ATP8A2: variants seen among roughly 807,000 people sequenced by gnomAD.
ATP8A2 encodes the protein phospholipid-transporting ATPase IB.
In ATP8A2, 100 loss-of-function variants were observed where a neutral mutation model predicts 165.6. That is an observed-to-expected ratio of 0.60 (90% CI 0.51 to 0.71). The LOEUF (loss-of-function observed/expected upper bound fraction) is 0.71, where lower values mean the gene tolerates loss of function less well. Ranked by LOEUF, ATP8A2 falls within the 30% of genes least tolerant of loss-of-function variation. ATP8A2 has a pLI of 0.00. For synonymous variants in ATP8A2, 543 were observed against 548.8 expected, an observed-to-expected ratio of 0.99 and a Z score of 0.15; for missense variants, 1,227 against 1,479.5, an observed-to-expected ratio of 0.83 and a Z score of 2.80.
chr13:25,798,448 C>T (rs1056351738), intron 27 of ATP8A2, among the ~76,000 whole-genome samples: 2 of 152,136 alleles, frequency 1.3e-5, no homozygotes, highest in Non-Finnish European at 2.9e-5. Flanking sequence ...TGTGGTCATG[C>T]ACTTTGATGT....
chr13:26,009,920 G>C (rs181280684), intron 35 of ATP8A2, among the ~76,000 whole-genome samples: 102 of 152,200 alleles, frequency 6.7e-4, no homozygotes, highest in Non-Finnish European at 1.3e-3. Context: ...ACAAAAATTA[G>C]CCAGGCCTGG....
intron 20 of ATP8A2, among the ~76,000 whole-genome samples, chr13:25,578,200 C>A (rs1270890736): frequency 6.6e-6 from 1 of 152,266 alleles, no homozygotes; most frequent in East Asian, 1.9e-4. Flanking sequence ...GGATTTAATT[C>A]TCTCCAAAAC....
chr13:25,921,621 CA>C (rs11316144), intron 33 of ATP8A2, among the ~76,000 whole-genome samples: 92,814 of 117,650 alleles, frequency 0.79, 35,554 homozygotes, highest in East Asian at 0.97. Flanking sequence ...GACTCTGTCT[CA>C]AAAAAAAAAA....
chr13:25,944,970 T>C (rs1260009746), intron 33 of ATP8A2, among the ~76,000 whole-genome samples: 1 of 151,988 alleles, frequency 6.6e-6, no homozygotes, highest in Non-Finnish European at 1.5e-5. Context: ...GTTTTTGAAA[T>C]AATGTATATA....
chr13:25,808,767 T>C (rs2138500622), intron 27 of ATP8A2, among the ~76,000 whole-genome samples: 1 of 152,248 alleles, frequency 6.6e-6, no homozygotes, highest in African/African-American at 2.4e-5. Context: ...GAAATACCTA[T>C]TTAAAGTATA....
At chr13:25,754,762 G>A (rs1053199523) in intron 25 of ATP8A2, among the ~76,000 whole-genome samples, 2 of 152,112 alleles carry the variant, frequency 1.3e-5, no homozygotes, top group Admixed American at 1.3e-4. Flanking sequence ...TAGCAAAAGA[G>A]ATTATTATGA....
chr13:25,484,153 C>G (rs995051962), intron 2 of ATP8A2, among the ~76,000 whole-genome samples: 5 of 152,226 alleles, frequency 3.3e-5, no homozygotes, highest in African/African-American at 7.2e-5. Context: ...AATCAAGAAA[C>G]TGGCTTCTCC....
At chr13:25,406,659 G>T (rs1177200664) in intron 1 of ATP8A2, among the ~76,000 whole-genome samples, 7 of 152,194 alleles carry the variant, frequency 4.6e-5, no homozygotes, top group Non-Finnish European at 7.4e-5. Context: ...TCTCCAGGTG[G>T]CTGGCATGGA....
intron 25 of ATP8A2, among the ~76,000 whole-genome samples, chr13:25,708,944 C>T (rs1396429601): frequency 6.6e-6 from 1 of 152,182 alleles, no homozygotes; most frequent in Non-Finnish European, 1.5e-5. Flanking sequence ...CGCCTTATGA[C>T]CATTGTCATC....
At chr13:25,833,180 C>T (rs1951521668) in intron 28 of ATP8A2, among the ~76,000 whole-genome samples, 2 of 151,510 alleles carry the variant, frequency 1.3e-5, no homozygotes, top group African/African-American at 4.8e-5. Context: ...TTTACAGTAC[C>T]TACATTTTTA....
rs191663360 is a variant in ATP8A2 at position 25,531,120 on chromosome 13, T to A, written c.420+460T>A. On this transcript the variant is annotated intron_variant, in intron 4 of 36. Transcript: ENST00000381655. ...GTCTTTCTTGCTCTGTCTCCCCCTA[T>A]ATATTTGTGTGTGTGTGTATATATA... is the stretch of plus-strand genomic sequence containing the variant. Among the ~76,000 whole-genome samples, 14 of 137,188 alleles carry A rather than the reference T, an allele frequency of 1.0e-4. No individual in the cohort carries two copies. The East Asian group carries it at 2.6e-3, about 25-fold the overall frequency. 90.0% of individuals were successfully genotyped at this position (137,188 alleles called of 152,430 possible).
At chr13:25,493,099 G>C (rs1463124436) in intron 2 of ATP8A2, among the ~76,000 whole-genome samples, 1 of 152,074 alleles carries the variant, frequency 6.6e-6, no homozygotes, top group African/African-American at 2.4e-5. Context: ...TCCTGTTACA[G>C]CTTTCTTGGT....
At chr13:25,809,147 T>C (rs1057209862) in intron 27 of ATP8A2, among the ~76,000 whole-genome samples, 8 of 152,070 alleles carry the variant, frequency 5.3e-5, no homozygotes, top group African/African-American at 1.9e-4. Context: ...GTGAGGTGTC[T>C]TCAAAGATGG....
chr13:25,856,694 A>G (rs1162764796), intron 30 of ATP8A2, among the ~76,000 whole-genome samples: 1 of 152,210 alleles, frequency 6.6e-6, no homozygotes, highest in Non-Finnish European at 1.5e-5. Flanking sequence ...TGTTTTTCCA[A>G]AAATTTTCAT....
At chr13:25,773,057 G>A (rs1036804583) in intron 26 of ATP8A2, among the ~76,000 whole-genome samples, 3 of 152,182 alleles carry the variant, frequency 2.0e-5, no homozygotes, top group African/African-American at 7.2e-5. Context: ...ACTGTGCCCA[G>A]CTGAGAGTTA....
At chr13:25,673,391 A>G (rs878872651) in intron 24 of ATP8A2, among the ~76,000 whole-genome samples, 2 of 152,394 alleles carry the variant, frequency 1.3e-5, no homozygotes, top group East Asian at 1.9e-4. Context: ...TGGGATAGCT[A>G]CAAAGCAGAG....
chr13:25,673,409 C>A (rs1233813301), intron 24 of ATP8A2, among the ~76,000 whole-genome samples: 1 of 152,218 alleles, frequency 6.6e-6, no homozygotes, highest in African/African-American at 2.4e-5. Flanking sequence ...GAGACTCTGA[C>A]TTCTGTATAC....
intron 10 of ATP8A2, among the ~76,000 whole-genome samples, chr13:25,549,161 C>T (rs2038740966): frequency 6.6e-6 from 1 of 152,058 alleles, no homozygotes; most frequent in Admixed American, 6.5e-5. Flanking sequence ...GGTGTTGTCT[C>T]TTAAAAGTCC....
intron 18 of ATP8A2, among the ~76,000 whole-genome samples, chr13:25,573,586 A>G (rs1228083790): frequency 1.3e-5 from 2 of 152,218 alleles, no homozygotes; most frequent in Non-Finnish European, 2.9e-5. Context: ...TCAAATTCCT[A>G]CATATTTACA....
Sources: gnomAD v4.1 joint callset for allele counts (sites outside exome capture counted in the v4.1 genomes callset) on GRCh38, gnomAD v4.1.1 for gene constraint, MANE v1.5 for transcripts, NCBI Gene and HGNC (gene_info 2026-07-23, HGNC 2026-07-21) for gene names.